Variants in NSMCE1 observed in about 807,000 individuals in gnomAD.
NSMCE1 encodes non-structural maintenance of chromosomes element 1 homolog.
In NSMCE1, 18 loss-of-function variants were observed where a neutral mutation model predicts 29.6. That is an observed-to-expected ratio of 0.61 (90% CI 0.42 to 0.90). The LOEUF is 0.90. Ranked by LOEUF, NSMCE1 falls within the 40% of genes least tolerant of loss-of-function variation. The pLI, the probability that NSMCE1 is intolerant of heterozygous loss-of-function variation, is 0.00. For synonymous variants in NSMCE1, 124 were observed against 133.4 expected (o/e 0.93, Z 0.49); for missense variants, 314 against 343.6 (o/e 0.91, Z 0.68).
At chr16:27,261,457 T>G (rs2084156874) in intron 1 of NSMCE1, among the ~76,000 whole-genome samples, 1 of 152,006 alleles carries the variant, frequency 6.6e-6, no homozygotes, top group African/African-American at 2.4e-5. Context: ...TATCAATAAT[T>G]TATAATAATC....
At chr16:27,227,683 T>C (rs1436165057) in intron 5 of NSMCE1, among the ~76,000 whole-genome samples, 1 of 152,198 alleles carries the variant, frequency 6.6e-6, no homozygotes, top group Non-Finnish European at 1.5e-5. Context: ...ATGACGTCAC[T>C]GACGCCTGCA....
chr16:27,235,899 G>A (rs549269678), intron 2 of NSMCE1, among the ~76,000 whole-genome samples: 7 of 152,194 alleles, frequency 4.6e-5, no homozygotes, highest in Non-Finnish European at 1.0e-4. Context: ...TCAGCATGGA[G>A]AGGCCCTGTC....
chr16:27,261,970 C>T (rs1210849334), intron 1 of NSMCE1, among the ~76,000 whole-genome samples: 2 of 152,206 alleles, frequency 1.3e-5, no homozygotes, highest in Non-Finnish European at 2.9e-5. Context: ...GGGCCGAGCG[C>T]GGTGGCTCAT....
chr16:27,240,517 G>A (rs1351613490), intron 2 of NSMCE1, among the ~76,000 whole-genome samples: 1 of 152,172 alleles, frequency 6.6e-6, no homozygotes, highest in Non-Finnish European at 1.5e-5. Flanking sequence ...CCTGAGCACT[G>A]GGCCAGGTCC....
At chr16:27,241,897 G>A (rs1490098563) in intron 2 of NSMCE1, 14 of 448,014 alleles carry the variant, frequency 3.1e-5, no homozygotes, top group South Asian at 1.3e-4. Flanking sequence ...TACCTAAGAC[G>A]GGACAGGAAG....
At chr16:27,242,960 T>C (rs1047228303) in intron 2 of NSMCE1, among the ~76,000 whole-genome samples, 1 of 152,110 alleles carries the variant, frequency 6.6e-6, no homozygotes, top group Non-Finnish European at 1.5e-5. Flanking sequence ...GTTGGGTAAG[T>C]TTCCTCCTGC....
chr16:27,253,517 T>C (rs553530377), intron 2 of NSMCE1, among the ~76,000 whole-genome samples: 67 of 152,310 alleles, frequency 4.4e-4, no homozygotes, highest in African/African-American at 1.5e-3. Context: ...CATTTTTGAA[T>C]TGTTTCAGGC....
intron 2 of NSMCE1, among the ~76,000 whole-genome samples, chr16:27,245,717 A>T (rs1441817447): frequency 2.0e-5 from 3 of 152,196 alleles, no homozygotes; most frequent in Non-Finnish European, 4.4e-5. Context: ...CACACGTTAG[A>T]TGTTACTTTT....
intron 6 of NSMCE1, 152 bp downstream of exon 6, chr16:27,226,568 T>C: frequency 1.7e-6 from 1 of 600,988 alleles, no homozygotes; most frequent in East Asian, 2.8e-5. Context: ...TCCTGACACG[T>C]CCTGGGAGAT....
rs557665502 is a variant in NSMCE1, at chr16:27,263,516, G to A, written c.-12+5190C>T. 9.2e-5 allele frequency among the ~76,000 whole-genome samples: 14 copies of A among 152,258 alleles called. No individual in the cohort carries two copies. The South Asian group carries it at 1.7e-3, about 18-fold the overall frequency. ...GATGAAAACTTATGAACACAAGGAA[G>A]GAAACAACAGACACTGGGGTCTATT... On this transcript the variant is annotated intron_variant, in intron 1 of 7. Coordinates refer to ENST00000361439, the MANE Select transcript of NSMCE1 (RefSeq NM_145080.4).
At chr16:27,262,401 C>A (rs1286336328) in intron 1 of NSMCE1, among the ~76,000 whole-genome samples, 1 of 151,866 alleles carries the variant, frequency 6.6e-6, no homozygotes, top group Admixed American at 6.6e-5. Flanking sequence ...CAGGCACATA[C>A]ACCAATGGAA....
chr16:27,257,875 G>T (rs899712541), intron 1 of NSMCE1, among the ~76,000 whole-genome samples: 1 of 152,148 alleles, frequency 6.6e-6, no homozygotes, highest in Non-Finnish European at 1.5e-5. Flanking sequence ...TTTCTGATCT[G>T]TAAAGTGGGA....
At chr16:27,239,857 C>T (rs1024690087) in intron 2 of NSMCE1, among the ~76,000 whole-genome samples, 1 of 152,208 alleles carries the variant, frequency 6.6e-6, no homozygotes, top group Admixed American at 6.5e-5. Flanking sequence ...TTGGAAGAGG[C>T]AGGGTGTGTC....
Position 27,225,112 on chromosome 16 carries a change from G to A in NSMCE1, c.*45C>T, listed in dbSNP as rs556914139. ...CCTTTCTTCCAAGAAGGGCTGTGGC[G>A]ATCAGGCCACTCAAGGCAGCCAGCC... is the stretch of plus-strand genomic sequence containing the variant. On this transcript the variant is annotated 3_prime_UTR_variant, in exon 8 of 8. Coordinates refer to ENST00000361439, the MANE Select transcript of NSMCE1 (RefSeq NM_145080.4). The A allele has an allele frequency of 3.4e-5, 38 of 1,128,328 alleles. No homozygotes were observed. Among genetic ancestry groups the A allele is most frequent in the South Asian group, 3.1e-4 (24 of 76,904 alleles). 69.9% of individuals were successfully genotyped at this position (1,128,328 alleles called of 1,614,324 possible). A position where few individuals can be genotyped will look rare whatever the true frequency, so the allele number is the denominator to read the frequency against.
At chr16:27,258,149 C>T (rs773222952) in intron 1 of NSMCE1, 3 of 152,174 alleles carry the variant, frequency 2.0e-5, no homozygotes, top group Admixed American at 6.5e-5. Flanking sequence ...ATGTTAGTTT[C>T]CTCCTCTCCC....
rs2083805338 is a variant in NSMCE1 at position 27,235,188 on chromosome 16, A to G, written c.248T>C (p.Ile83Thr). The change falls in exon 3 of 8, where the codon ATT becomes ACT. Residue 83 changes from isoleucine (I) to threonine (T), a missense_variant. By Grantham distance (89) the Ile-to-Thr change is moderately conservative. Transcript: ENST00000361439. ...RGVTEDDGRPIYALVNLATTS... is the reference protein window; with the variant it reads ...RGVTEDDGRPTYALVNLATTS... ...CTGCCGGGCACTCACCAACGCATAA[A>G]TGGGTCTCCCATCATCTTCCGTGAC... is the stretch of plus-strand genomic sequence containing the variant. The G allele has an allele frequency of 6.2e-7, 1 of 1,613,970 alleles. No individual in the cohort carries two copies. Among genetic ancestry groups the G allele is most frequent in the African/African-American group, 1.3e-5 (1 of 75,006 alleles).
intron 2 of NSMCE1, among the ~76,000 whole-genome samples, chr16:27,236,123 C>T (rs944238192): frequency 2.6e-5 from 4 of 152,096 alleles, no homozygotes; most frequent in African/African-American, 9.7e-5. Context: ...GGAGGGGGCA[C>T]CCACACTATT....
chr16:27,240,472 G>C (rs1046255317), intron 2 of NSMCE1, among the ~76,000 whole-genome samples: 3 of 152,020 alleles, frequency 2.0e-5, no homozygotes. Flanking sequence ...CCTCAACCCA[G>C]CCCACCCCAG....
At chr16:27,236,390 G>A (rs896828990) in intron 2 of NSMCE1, among the ~76,000 whole-genome samples, 14 of 149,796 alleles carry the variant, frequency 9.3e-5, no homozygotes, top group South Asian at 2.1e-4. Flanking sequence ...TCCACCTCCC[G>A]GGTTCAAGCA....
Sources: allele counts gnomAD v4.1 joint callset (sites outside exome capture counted in the v4.1 genomes callset), GRCh38; gene constraint gnomAD v4.1.1; transcripts MANE v1.5; gene names NCBI Gene and HGNC (gene_info 2026-07-23, HGNC 2026-07-21).